SLC17A6: variants seen among roughly 807,000 people sequenced by gnomAD.
SLC17A6 encodes solute carrier family 17 member 6.
SLC17A6 carries 35 observed loss-of-function variants against 67.1 expected under a neutral mutation model. The observed-to-expected ratio is 0.52, with a 90% confidence interval of 0.40 to 0.69. The LOEUF (loss-of-function observed/expected upper bound fraction) is 0.69, where lower values mean the gene tolerates loss of function less well. Among genes scored for constraint, SLC17A6 ranks in the 30% least tolerant of loss-of-function variants. SLC17A6 has a pLI of 0.00. For synonymous variants in SLC17A6, 285 were observed against 252.3 expected, an observed-to-expected ratio of 1.13 and a Z score of -1.23; for missense variants, 588 against 723.9, an observed-to-expected ratio of 0.81 and a Z score of 2.15.
intron 10 of SLC17A6, 28 bp downstream of exon 10, chr11:22,376,120 T>C: frequency 6.6e-7 from 1 of 1,516,446 alleles, no homozygotes; most frequent in Non-Finnish European, 9.1e-7. Flanking sequence ...TTCTTTGTAC[T>C]TGGGACATTC....
chr11:22,375,552 C>T (rs1856223860), intron 9 of SLC17A6, among the ~76,000 whole-genome samples: 3 of 151,768 alleles, frequency 2.0e-5, no homozygotes, highest in South Asian at 2.1e-4. Context: ...ATGATCTCGG[C>T]TCACCACAAC....
At chr11:22,342,990 G>C (rs900175705) in intron 2 of SLC17A6, 12 of 567,464 alleles carry the variant, frequency 2.1e-5, no homozygotes, top group East Asian at 1.2e-4. Flanking sequence ...CAGATGATTC[G>C]ATCTGCCTGA....
At chr11:22,359,344 G>A (rs1263792052) in intron 3 of SLC17A6, 69 bp from the exon 4 acceptor site, 2 of 901,526 alleles carry the variant, frequency 2.2e-6, no homozygotes, top group African/African-American at 3.4e-5. Flanking sequence ...CACTTCTCCT[G>A]AGAAATTTAG....
At chr11:22,351,364 A>T (rs1855936246) in intron 3 of SLC17A6, among the ~76,000 whole-genome samples, 1 of 151,836 alleles carries the variant, frequency 6.6e-6, no homozygotes, top group African/African-American at 2.4e-5. Flanking sequence ...CTAAGAGATA[A>T]TTTTTCCACC....
chr11:22,367,836 A>C (rs1024028606), intron 7 of SLC17A6, among the ~76,000 whole-genome samples: 1 of 152,214 alleles, frequency 6.6e-6, no homozygotes, highest in African/African-American at 2.4e-5. Flanking sequence ...TTCTAAAGAC[A>C]ATATTTTACT....
chr11:22,369,797 T>C (rs1590393271), intron 7 of SLC17A6, among the ~76,000 whole-genome samples: 1 of 152,146 alleles, frequency 6.6e-6, no homozygotes, highest in East Asian at 1.9e-4. Context: ...TAATCCTGCA[T>C]ATTCCTAAAG....
chr11:22,348,500 A>G (rs1855902854), intron 3 of SLC17A6, among the ~76,000 whole-genome samples: 1 of 152,186 alleles, frequency 6.6e-6, no homozygotes. Context: ...GACTAAGATG[A>G]AGAATCTGAT....
intron 2 of SLC17A6, 138 bp downstream of exon 2, chr11:22,341,918 G>C (rs557395611): frequency 1.6e-6 from 2 of 1,277,142 alleles, no homozygotes; most frequent in Middle Eastern, 1.9e-4. Context: ...TGGCTCTGCC[G>C]TTCTAGAATG....
chr11:22,362,150 T>C, intron 5 of SLC17A6: 2 of 308,798 alleles, frequency 6.5e-6, no homozygotes, highest in South Asian at 3.4e-5. Context: ...GTCAGTATGT[T>C]TTAAACTATT....
rs1274692241 is a variant in SLC17A6 at position 22,374,838 on chromosome 11, C to T, written c.1125C>T (p.Ser375=). 3.7e-6 allele frequency: 6 copies of T among 1,613,540 alleles called. No homozygotes were observed. The highest frequency in any genetic ancestry group is 8.5e-7 in the Non-Finnish European group (1 of 1,179,860). ...IGGQIADFLR[S]KQILSTTTVR... is the part of the protein sequence containing the mutation. ...GACAAATTGCAGATTTTCTAAGAAG[C>T]AAGCAGATTCTTTCAACTACGACAG... The change falls in exon 9 of 12, where the codon AGC becomes AGT. Residue 375 remains serine (S), a synonymous_variant. Transcript: ENST00000263160.
At chr11:22,351,437 C>A (rs1855937265) in intron 3 of SLC17A6, among the ~76,000 whole-genome samples, 1 of 152,104 alleles carries the variant, frequency 6.6e-6, no homozygotes, top group Non-Finnish European at 1.5e-5. Flanking sequence ...CCTATAATTT[C>A]TATGTTTATG....
chr11:22,344,730 C>T (rs1398551311), intron 3 of SLC17A6, among the ~76,000 whole-genome samples: 1 of 152,128 alleles, frequency 6.6e-6, no homozygotes, highest in East Asian at 1.9e-4. Context: ...CTTGATGAAA[C>T]TCATTAACTA....
At chr11:22,370,464 T>TGGG in intron 8 of SLC17A6, among the ~76,000 whole-genome samples, 1 of 152,202 alleles carries the variant, frequency 6.6e-6, no homozygotes, top group South Asian at 2.1e-4. Context: ...CGAGCAGCGG[T>TGGG]GTAATCTTTT....
chr11:22,365,558 A>G lies in SLC17A6; in HGVS notation c.760A>G (p.Met254Val), dbSNP rs932131451. The G allele has an allele frequency of 1.2e-6, 2 of 1,613,776 alleles. No individual in the cohort carries two copies. Among genetic ancestry groups the G allele is most frequent in the Non-Finnish European group, 1.7e-6 (2 of 1,179,846 alleles). Reference sequence around the variant, plus strand: ...ACTGTTGCTTGCAGGAAGCTTTGGAATGGTCTGGTACATGTTTTGGCTTTT... The same window carrying G: ...ACTGTTGCTTGCAGGAAGCTTTGGAGTGGTCTGGTACATGTTTTGGCTTTT... Reference protein sequence around the residue: ...SVFYVYGSFGMVWYMFWLLVS... With the variant: ...SVFYVYGSFGVVWYMFWLLVS... Residue 254 changes from methionine to valine, a missense_variant, in exon 7 of 12, where the codon ATG (methionine) becomes GTG (valine). This residue lies in a region of SLC17A6 where 414 missense variants were observed against 563.4 expected (regional missense o/e 0.73). Transcript: ENST00000263160.
At position 22,360,892 on chromosome 11, in the gene SLC17A6, C is replaced by T. The variant is rs772182270; in HGVS notation, c.574-5C>T. On this transcript the variant is annotated splice_region_variant and splice_polypyrimidine_tract_variant and intron_variant, in intron 4 of 11. Transcript: ENST00000263160. Reference sequence around the variant, plus strand: ...GACAGTGATGAGTATCTTCCCCCATCACAGGGTGTGACCTACCCAGCATGT... The same window carrying T: ...GACAGTGATGAGTATCTTCCCCCATTACAGGGTGTGACCTACCCAGCATGT... 24 of 1,613,126 alleles carry T rather than the reference C, an allele frequency of 1.5e-5. No individual in the cohort carries two copies. The South Asian group carries it at 2.6e-4, about 18-fold the overall frequency.
At chr11:22,345,147 G>T (rs1182592140) in intron 3 of SLC17A6, among the ~76,000 whole-genome samples, 1 of 151,804 alleles carries the variant, frequency 6.6e-6, no homozygotes, top group Non-Finnish European at 1.5e-5. Context: ...AAACACCAGG[G>T]ATGCTCCAGC....
Position 22,374,837 on chromosome 11 carries a change from G to T in SLC17A6, c.1124G>T (p.Ser375Ile), listed in dbSNP as rs1196089724. The T allele has an allele frequency of 1.9e-6, 3 of 1,613,746 alleles. No individual in the cohort carries two copies. Among genetic ancestry groups the T allele is most frequent in the Non-Finnish European group, 2.5e-6 (3 of 1,179,878 alleles). ...GGACAAATTGCAGATTTTCTAAGAA[G>T]CAAGCAGATTCTTTCAACTACGACA... ...IGGQIADFLR[S>I]KQILSTTTVR... The change falls in exon 9 of 12, where the codon AGC (serine) becomes ATC (isoleucine). Residue 375 changes from serine (S) to isoleucine (I), a missense_variant. Coordinates refer to ENST00000263160, the MANE Select transcript of SLC17A6 (RefSeq NM_020346.3).
intron 9 of SLC17A6, among the ~76,000 whole-genome samples, chr11:22,375,165 G>T (rs530829312): frequency 6.6e-6 from 1 of 152,046 alleles, no homozygotes; most frequent in South Asian, 2.1e-4. Flanking sequence ...GAGGTCAGGA[G>T]TTCAAGACCA....
intron 3 of SLC17A6, among the ~76,000 whole-genome samples, chr11:22,351,221 A>G (rs1207767507): frequency 6.6e-6 from 1 of 152,172 alleles, no homozygotes; most frequent in Non-Finnish European, 1.5e-5. Flanking sequence ...ACATGACTCT[A>G]TAAGGCAGAC....
Sources: gnomAD v4.1 joint callset for allele counts (sites outside exome capture counted in the v4.1 genomes callset) on GRCh38, gnomAD v4.1.1 for gene constraint, gnomAD v4.1.1 regional missense constraint, MANE v1.5 for transcripts, NCBI Gene and HGNC (gene_info 2026-07-23, HGNC 2026-07-21) for gene names.